The following ABLIM1 variants were observed in gnomAD, a reference collection of about 807,000 sequenced individuals.
ABLIM1 encodes the protein actin-binding LIM protein 1.
ABLIM1 carries 40 observed loss-of-function variants against 107.0 expected under a neutral mutation model. The ratio of observed to expected loss-of-function variants is 0.37; its 90% CI spans 0.29 to 0.49. The LOEUF (loss-of-function observed/expected upper bound fraction) is 0.49. Ranked by LOEUF, ABLIM1 falls within the 20% of genes least tolerant of loss-of-function variation. The probability of loss-of-function intolerance (pLI) is 0.97; values close to 1 mark genes in which losing one functional copy is unlikely to be tolerated. For synonymous variants in ABLIM1, 357 were observed against 357.3 expected (o/e 1.00, Z 0.01); for missense variants, 857 against 1,008.5 (o/e 0.85, Z 2.04).
upstream of ABLIM1, among the ~76,000 whole-genome samples, chr10:114,769,543 AGGAAGAAAGAAAGAGAAG>A (rs1566325076): frequency 1.4e-5 from 2 of 142,724 alleles, no homozygotes; most frequent in South Asian, 2.3e-4. Flanking sequence ...AAAGGAAGGA[AGGAAGAAAGAAAGAGAAG>A]GGAAGAAAGA....
intron 4 of ABLIM1, among the ~76,000 whole-genome samples, chr10:114,552,893 G>T (rs2068245616): frequency 6.6e-6 from 1 of 152,148 alleles, no homozygotes; most frequent in Admixed American, 6.5e-5. Flanking sequence ...TCCTTGGTTA[G>T]GAGCAGAGTT....
At chr10:114,628,843 G>A (rs2077987488) in intron 1 of ABLIM1, among the ~76,000 whole-genome samples, 2 of 152,004 alleles carry the variant, frequency 1.3e-5, no homozygotes, top group Admixed American at 6.6e-5. Flanking sequence ...CTTAAAACTT[G>A]CACTATAACA....
intron 19 of ABLIM1, 83 bp downstream of exon 19, chr10:114,440,934 A>G: frequency 7.6e-7 from 1 of 1,309,836 alleles, no homozygotes; most frequent in Non-Finnish European, 1.1e-6. Flanking sequence ...TACAGCATGA[A>G]CACAGCCAGT....
chr10:114,650,896 T>G (rs1021038540), intron 1 of ABLIM1, among the ~76,000 whole-genome samples: 2 of 152,206 alleles, frequency 1.3e-5, no homozygotes, highest in Admixed American at 1.3e-4. Context: ...TGCCAGCATT[T>G]CTAAAATACG....
rs149458619 is a variant in ABLIM1, at chr10:114,730,796, T to C, written c.-213+37265A>G. Among the ~76,000 whole-genome samples the C allele has an allele frequency of 9.9e-5, 15 of 152,250 alleles. No individual in the cohort carries two copies. In the East Asian group the frequency reaches 2.1e-3, roughly 22 times the overall value. ...TTCATCACACCAAAATAAAACCTTG[T>C]GTCCATTTGCAGTCACTCCTCATTC... On this transcript the variant is annotated intron_variant, in intron 1 of 15. Transcript: ENST00000651092.
chr10:114,625,951 C>G (rs2077764050), intron 1 of ABLIM1, among the ~76,000 whole-genome samples: 1 of 152,070 alleles, frequency 6.6e-6, no homozygotes, highest in South Asian at 2.1e-4. Context: ...TGTTCAATCA[C>G]TGACAGATTT....
the ABLIM1 span, among the ~76,000 whole-genome samples, chr10:114,780,381 T>C: frequency 6.6e-6 from 1 of 152,156 alleles, no homozygotes; most frequent in African/African-American, 2.4e-5. Context: ...CAACTCAATC[T>C]GTAAATGAGC....
intron 4 of ABLIM1, among the ~76,000 whole-genome samples, chr10:114,561,212 G>C (rs917062753): frequency 6.6e-6 from 1 of 152,182 alleles, no homozygotes; most frequent in Admixed American, 6.5e-5. Flanking sequence ...AATCATACTT[G>C]AGTTCTACGT....
intron 8 of ABLIM1, 77 bp downstream of exon 8, chr10:114,487,881 C>T (rs2058406980): frequency 1.3e-6 from 2 of 1,551,852 alleles, no homozygotes; most frequent in African/African-American, 1.4e-5. Flanking sequence ...TCACCTAAAC[C>T]CTAGCCCCAA....
At chr10:114,440,721 A>C (rs1324887430) in intron 19 of ABLIM1, 1 of 481,578 alleles carries the variant, frequency 2.1e-6, no homozygotes, top group Non-Finnish European at 3.9e-6. Context: ...TCAGCCTCCC[A>C]AAGTGTTGGG....
chr10:114,617,256 C>CTTTTTTT (rs780987027), intron 1 of ABLIM1, among the ~76,000 whole-genome samples: 5 of 120,460 alleles, frequency 4.2e-5, no homozygotes, highest in East Asian at 2.4e-4. Flanking sequence ...TCACTACCTA[C>CTTTTTTT]TTTTTTTTTT....
intron 1 of ABLIM1, among the ~76,000 whole-genome samples, chr10:114,729,983 C>G (rs2082039078): frequency 6.6e-6 from 1 of 152,140 alleles, no homozygotes; most frequent in South Asian, 2.1e-4. Flanking sequence ...AACTCCTTTA[C>G]TTTTCATACA....
In ABLIM1 at chr10:114,549,798, T is replaced by C. The variant is rs77840180; in HGVS notation, c.674-2022A>G. Among the ~76,000 whole-genome samples the C allele has an allele frequency of 2.4e-3, 366 of 152,298 alleles. 9 individuals carry two copies. In the East Asian group the frequency reaches 0.042, roughly 18 times the overall value. ...GGCTGTTCAAAAGAACGAGGCAGATTTGTGCTCTGGCATGGAAAGATGTTC... is the reference window on the plus strand; with the variant it reads ...GGCTGTTCAAAAGAACGAGGCAGATCTGTGCTCTGGCATGGAAAGATGTTC... On this transcript the variant is annotated intron_variant, in intron 4 of 22. Coordinates refer to ENST00000533213, the MANE Select transcript of ABLIM1 (RefSeq NM_002313.7).
At chr10:114,512,857 A>G (rs1053991636) in intron 6 of ABLIM1, among the ~76,000 whole-genome samples, 1 of 73,560 alleles carries the variant, frequency 1.4e-5, no homozygotes, top group Non-Finnish European at 3.1e-5. Flanking sequence ...GGAAGGAAAG[A>G]AGGAAGGAAG....
chr10:114,593,182 G>A (rs754647535), intron 2 of ABLIM1, among the ~76,000 whole-genome samples: 9 of 152,120 alleles, frequency 5.9e-5, no homozygotes, highest in African/African-American at 1.2e-4. Context: ...TGTACTAATC[G>A]TTTTCTTAGA....
At chr10:114,526,546 GCCA>G (rs1821937883) in intron 6 of ABLIM1, 8 of 783,918 alleles carry the variant, frequency 1.0e-5, no homozygotes, top group East Asian at 1.3e-4. Context: ...CCAGCATCCA[GCCA>G]CCACATTTGG....
At chr10:114,791,710 T>C in the ABLIM1 span, among the ~76,000 whole-genome samples, 3 of 151,606 alleles carry the variant, frequency 2.0e-5, no homozygotes, top group East Asian at 5.8e-4. Flanking sequence ...GTGCAGATTT[T>C]TTAAATTACT....
intron 4 of ABLIM1, among the ~76,000 whole-genome samples, chr10:114,565,443 A>C (rs2483560): frequency 6.6e-6 from 1 of 152,068 alleles, no homozygotes; most frequent in Non-Finnish European, 1.5e-5. Context: ...TTATAAGTAC[A>C]TAGCATTTTA....
intron 4 of ABLIM1, among the ~76,000 whole-genome samples, chr10:114,567,456 TATATC>T (rs1175302560): frequency 6.6e-6 from 1 of 152,208 alleles, no homozygotes; most frequent in African/African-American, 2.4e-5. Context: ...CAGTACCTGA[TATATC>T]ATAAGTACTA....
Sources: allele counts gnomAD v4.1 joint callset (sites outside exome capture counted in the v4.1 genomes callset), GRCh38; gene constraint gnomAD v4.1.1; transcripts MANE v1.5; gene names NCBI Gene and HGNC (gene_info 2026-07-23, HGNC 2026-07-21).